Variants in SRCAP observed in about 807,000 individuals in gnomAD.
SRCAP encodes Snf2 related CREBBP activator protein, also known as chromatin remodeling protein SRCAP.
A neutral mutation model predicts 263.1 loss-of-function variants in SRCAP; 46 were observed. That is an observed-to-expected ratio of 0.17 (90% CI 0.14 to 0.22). The LOEUF is 0.22. Among genes scored for constraint, SRCAP ranks in the 10% least tolerant of loss-of-function variants. The pLI is 1.00. For synonymous variants in SRCAP, 1,813 were observed against 1,662.1 expected (o/e 1.09, Z -2.21); for missense variants, 3,695 against 4,181.9 (o/e 0.88, Z 3.21).
chr16:30,718,166 C>G (rs965894252), intron 18 of SRCAP, among the ~76,000 whole-genome samples: 6 of 152,034 alleles, frequency 3.9e-5, no homozygotes, highest in African/African-American at 1.2e-4. Context: ...AGCTACCACA[C>G]CTAGTTTTAA....
chr16:30,737,331 C>T lies in SRCAP; in HGVS notation c.7291C>T (p.Pro2431Ser), dbSNP rs1169955376. Residue 2431 changes from proline to serine, a missense_variant, in exon 34 of 34, where the codon CCT (proline) becomes TCT (serine). By Grantham distance (74) the Pro-to-Ser change is moderately conservative (BLOSUM62 -1). Coordinates refer to ENST00000262518, the MANE Select transcript of SRCAP (RefSeq NM_006662.3). Reference sequence around the variant, plus strand: ...CACCACCACACCACCCCGCTGCAGTCCTGCCAGGGAGCGAGTTCCCAGGCC... The same window carrying T: ...CACCACCACACCACCCCGCTGCAGTTCTGCCAGGGAGCGAGTTCCCAGGCC... ...RSTTTPPRCS[P>S]ARERVPRPAP... 4 of 1,614,164 alleles carry T rather than the reference C, an allele frequency of 2.5e-6. No homozygotes were observed. Among genetic ancestry groups the T allele is most frequent in the Non-Finnish European group, 3.4e-6 (4 of 1,180,034 alleles).
Position 30,720,295 on chromosome 16 carries a change from C to A in SRCAP, c.2951C>A (p.Pro984Gln), listed in dbSNP as rs2052998776. Residue 984 changes from proline to glutamine, a missense_variant, in exon 19 of 34, where the codon CCA (proline) becomes CAA (glutamine). Physicochemically the swap from Pro to Gln is moderately conservative, Grantham distance 76. Around this residue, in one of 12 missense-constraint regions of SRCAP, gnomAD observed 147 missense variants for 212.7 expected, o/e 0.69. Coordinates refer to ENST00000262518, the MANE Select transcript of SRCAP (RefSeq NM_006662.3). ...LLEVATAPDP[P>Q]PRPKPVKMKV... ...GAAGTGGCTACTGCTCCTGACCCCC[C>A]ACCCCGGCCCAAGCCAGTCAAGATG... is the stretch of plus-strand genomic sequence containing the variant. The A allele has an allele frequency of 3.1e-6, 5 of 1,613,972 alleles. No individual in the cohort carries two copies. Among genetic ancestry groups the A allele is most frequent in the Non-Finnish European group, 2.5e-6 (3 of 1,179,946 alleles).
chr16:30,738,553 G>T lies in SRCAP; in HGVS notation c.8513G>T (p.Gly2838Val), dbSNP rs1031244561. Residue 2838 changes from glycine (G) to valine (V), a missense_variant, in exon 34 of 34, where the codon GGT becomes GTT. Coordinates refer to ENST00000262518, the MANE Select transcript of SRCAP (RefSeq NM_006662.3). ...RRHIELGVTG[G>V]GSPENGDGAL... ...CACATTGAGCTGGGGGTGACTGGTG[G>T]TGGCAGCCCCGAGAATGGAGACGGA... 9 of 1,611,184 alleles carry T rather than the reference G, an allele frequency of 5.6e-6. No homozygotes were observed. Among genetic ancestry groups the T allele is most frequent in the Non-Finnish European group, 7.6e-6 (9 of 1,178,600 alleles).
At chr16:30,708,186 CAT>C (rs1246448616) in intron 6 of SRCAP, among the ~76,000 whole-genome samples, 5 of 152,106 alleles carry the variant, frequency 3.3e-5, no homozygotes, top group Non-Finnish European at 7.4e-5. Context: ...CTTTTTTCCT[CAT>C]GTGTACTTAG....
chr16:30,722,960 C>T lies in SRCAP; in HGVS notation c.3893-3C>T. ...TTCCTCTCAGTGTAGCTTCCTCTTG[C>T]AGTGCCACCAACCATGGTGAATAAT... is the stretch of plus-strand genomic sequence containing the variant. On this transcript the variant is annotated splice_region_variant and splice_polypyrimidine_tract_variant and intron_variant, in intron 23 of 33. Transcript: ENST00000262518. 6.2e-7 allele frequency: 1 copy of T among 1,602,578 alleles called. No homozygotes were observed. The highest frequency in any genetic ancestry group is 8.5e-7 in the Non-Finnish European group (1 of 1,171,144).
intron 18 of SRCAP, among the ~76,000 whole-genome samples, chr16:30,719,763 C>T (rs1278629536): frequency 1.3e-5 from 2 of 152,222 alleles, no homozygotes; most frequent in East Asian, 1.9e-4. Context: ...GTTCCCCAAT[C>T]TTGGCCTCCC....
At position 30,720,335 on chromosome 16, in the gene SRCAP, C is replaced by A; in HGVS notation, c.2987+4C>A. 1 of 1,611,408 alleles carries A rather than the reference C, an allele frequency of 6.2e-7. No homozygotes were observed. On this transcript the variant is annotated splice_donor_region_variant and intron_variant, in intron 19 of 33. Transcript: ENST00000262518. ...CAGTCAAGATGAAGGTCAACAGGTA[C>A]AAGGACTAAGGAATGAGGGGATGGT...
chr16:30,710,519 G>A, intron 8 of SRCAP: 1 of 752,532 alleles, frequency 1.3e-6, no homozygotes, highest in Non-Finnish European at 2.4e-6. Context: ...GGAAGTGTTG[G>A]GTGCCTTTAT....
At chr16:30,728,773 TAAA>T (rs923571400) in intron 25 of SRCAP, among the ~76,000 whole-genome samples, 190 bp from the exon 26 acceptor site, 1 of 152,074 alleles carries the variant, frequency 6.6e-6, no homozygotes, top group African/African-American at 2.4e-5. Flanking sequence ...TTATTTAACA[TAAA>T]AAAGAAAGTT....
Position 30,721,309 on chromosome 16 carries a change from C to G in SRCAP, c.3374C>G (p.Ser1125Cys). The change falls in exon 21 of 34, where the codon TCT becomes TGT. Residue 1125 changes from serine to cysteine, a missense_variant. By Grantham distance (112) the Ser-to-Cys change is moderately radical. Around this residue, in one of 12 missense-constraint regions of SRCAP, gnomAD observed 1,347 missense variants for 1,304.4 expected, o/e 1.03. Transcript: ENST00000262518. ...RLSPAPPPGS[S>C]SLLKPLTVPP... The stretch of plus-strand genomic sequence containing the variant: ...AGCCCAGCCCCACCTCCAGGCTCCT[C>G]TAGCCTGTTGAAGCCCCTGACAGTG... The G allele has an allele frequency of 6.2e-7, 1 of 1,614,224 alleles. No homozygotes were observed. The highest frequency in any genetic ancestry group is 8.5e-7 in the Non-Finnish European group (1 of 1,180,054).
chr16:30,725,429 A>C (rs2053055377), intron 25 of SRCAP: 2 of 249,314 alleles, frequency 8.0e-6, no homozygotes, highest in Middle Eastern at 1.5e-3. Context: ...CTATGTATAT[A>C]GGCCCATGTC....
chr16:30,721,046 T>C, intron 20 of SRCAP, 68 bp downstream of exon 20: 2 of 1,546,854 alleles, frequency 1.3e-6, no homozygotes, highest in Non-Finnish European at 1.7e-6. Context: ...GAGGAGGAAG[T>C]AGTGAAATTA....
chr16:30,721,142 G>C lies in SRCAP; in HGVS notation c.3254-47G>C. ...ATGGAGGCTTCTGGCACCAGGCTAA[G>C]GCTTTAGTCAGGGTATATCTGACAG... On this transcript the variant is annotated intron_variant, in intron 20 of 33. Coordinates refer to ENST00000262518, the MANE Select transcript of SRCAP (RefSeq NM_006662.3). 1.9e-6 allele frequency: 3 copies of C among 1,557,358 alleles called. No homozygotes were observed. In the South Asian group the frequency reaches 3.7e-5, roughly 19 times the overall value.
chr16:30,726,910 C>T (rs755045754), intron 25 of SRCAP, among the ~76,000 whole-genome samples: 13 of 152,242 alleles, frequency 8.5e-5, no homozygotes, highest in East Asian at 1.9e-4. Context: ...CCATGTTGGC[C>T]GGGCTGGTCT....
Position 30,720,687 on chromosome 16 carries a change from C to T in SRCAP, c.2988-26C>T, listed in dbSNP as rs919674099. ...ACCCCTTATTCTCCTTCTGTCCCTA[C>T]CCACTCTCTTAATTTTTTCTCACAG... is the stretch of plus-strand genomic sequence containing the variant. On this transcript the variant is annotated intron_variant, in intron 19 of 33. Coordinates refer to ENST00000262518, the MANE Select transcript of SRCAP (RefSeq NM_006662.3). 3 of 1,569,694 alleles carry T rather than the reference C, an allele frequency of 1.9e-6. No homozygotes were observed. The Admixed American group carries it at 5.5e-5, about 29-fold the overall frequency.
rs1375714007 is a variant in SRCAP, at chr16:30,720,672, C to G, written c.2988-41C>G. ...TTCTTTGATATTGCTACCCCTTATT[C>G]TCCTTCTGTCCCTACCCACTCTCTT... is the stretch of plus-strand genomic sequence containing the variant. On this transcript the variant is annotated intron_variant, in intron 19 of 33. Coordinates refer to ENST00000262518, the MANE Select transcript of SRCAP (RefSeq NM_006662.3). 2.0e-6 allele frequency: 3 copies of G among 1,530,480 alleles called. No homozygotes were observed. In the South Asian group the frequency reaches 3.8e-5, roughly 19 times the overall value. 94.8% of individuals were successfully genotyped at this position (1,530,480 alleles called of 1,614,324 possible).
At chr16:30,735,045 G>A (rs2053145972) in intron 31 of SRCAP, among the ~76,000 whole-genome samples, 1 of 151,936 alleles carries the variant, frequency 6.6e-6, no homozygotes, top group African/African-American at 2.4e-5. Flanking sequence ...TTTTGAGACA[G>A]GGTCAAGGAA....
intron 4 of SRCAP, among the ~76,000 whole-genome samples, chr16:30,705,548 C>T (rs113871633): frequency 3.0e-3 from 454 of 151,510 alleles, no homozygotes; most frequent in African/African-American, 0.011. Flanking sequence ...TACAGGCGCC[C>T]GCCATCACAC....
chr16:30,724,570 T>C lies in SRCAP; in HGVS notation c.5146T>C (p.Leu1716=). Residue 1716 remains leucine (L), a synonymous_variant, in exon 25 of 34, where the codon TTG becomes CTG. Transcript: ENST00000262518. Reference sequence around the variant, plus strand: ...CCAGGGACCCTTTCCAACTCAGACATTGTCATTAACTCCAGCATCATCCCT... The same window carrying C: ...CCAGGGACCCTTTCCAACTCAGACACTGTCATTAACTCCAGCATCATCCCT... ...NPQGPFPTQT[L]SLTPASSLVP... is the part of the protein sequence containing the mutation. 5 of 1,614,124 alleles carry C rather than the reference T, an allele frequency of 3.1e-6. No homozygotes were observed. Among genetic ancestry groups the C allele is most frequent in the Non-Finnish European group, 4.2e-6 (5 of 1,180,028 alleles).
Sources: allele counts gnomAD v4.1 joint callset (sites outside exome capture counted in the v4.1 genomes callset), GRCh38; gene constraint gnomAD v4.1.1; regional missense constraint gnomAD v4.1.1; transcripts MANE v1.5; gene names NCBI Gene and HGNC (gene_info 2026-07-23, HGNC 2026-07-21).